The following CAMK1D variants were observed in gnomAD, a reference collection of about 807,000 sequenced individuals.
The protein encoded by CAMK1D is calcium/calmodulin dependent protein kinase ID, also known as calcium/calmodulin-dependent protein kinase type 1D.
Under a neutral mutation model 47.7 loss-of-function variants are expected in CAMK1D, and 9 were observed. That is an observed-to-expected ratio of 0.19 (90% CI 0.11 to 0.33). The LOEUF is 0.33. Ranked by LOEUF, CAMK1D falls within the 10% of genes least tolerant of loss-of-function variation. The pLI is 1.00. For missense variants in CAMK1D, 291 were observed against 488.7 expected, an observed-to-expected ratio of 0.60 and a Z score of 3.81; for synonymous variants, 184 against 184.9, an observed-to-expected ratio of 0.99 and a Z score of 0.04.
intron 1 of CAMK1D, among the ~76,000 whole-genome samples, chr10:12,436,920 C>A (rs185560549): frequency 1.3e-5 from 2 of 152,244 alleles, no homozygotes. Context: ...TTTATCACAG[C>A]GAAAGGACTT....
intron 1 of CAMK1D, among the ~76,000 whole-genome samples, chr10:12,387,373 A>T (rs375959963): frequency 3.5e-4 from 12 of 34,414 alleles, no homozygotes; most frequent in Non-Finnish European, 6.0e-4. Flanking sequence ...TAATATATAT[A>T]TTATATATTA....
At position 12,672,808 on chromosome 10, in the gene CAMK1D, GTTTT is replaced by G. The variant is rs577825172; in HGVS notation, c.299+6002_299+6005del. On this transcript the variant is annotated intron_variant, in intron 3 of 10. Transcript: ENST00000619168. ...ATTTGTTGTAAGTTCTCCAACTTTA[GTTTT>G]TTTATTTATTTGTTTTTTCCTTAAA... Among the ~76,000 whole-genome samples, 31 of 142,544 alleles carry G rather than the reference GTTTT, an allele frequency of 2.2e-4. No individual in the cohort carries two copies. The East Asian group carries it at 6.0e-3, about 28-fold the overall frequency. 93.5% of individuals were successfully genotyped at this position (142,544 alleles called of 152,430 possible).
rs536512873 is a variant in CAMK1D, at chr10:12,744,582, C to T, written c.300-16366C>T. ...CATATTTTAAAAAACACACTGGCAA[C>T]AAAGAAAGGCGAACCTTAAAAACAA... On this transcript the variant is annotated intron_variant, in intron 3 of 10. Transcript: ENST00000619168. Among the ~76,000 whole-genome samples the T allele has an allele frequency of 4.6e-5, 7 of 152,064 alleles. No individual in the cohort carries two copies. In the East Asian group the frequency reaches 9.7e-4, roughly 21 times the overall value.
At chr10:12,653,576 A>G (rs972365719) in intron 2 of CAMK1D, among the ~76,000 whole-genome samples, 1 of 152,230 alleles carries the variant, frequency 6.6e-6, no homozygotes, top group African/African-American at 2.4e-5. Flanking sequence ...CAAAAATTAA[A>G]GAACACTCAA....
rs554112017 is a variant in CAMK1D at position 12,705,142 on chromosome 10, A to G, written c.299+38332A>G. Among the ~76,000 whole-genome samples, 8 of 152,294 alleles carry G rather than the reference A, an allele frequency of 5.3e-5. No homozygotes were observed. The South Asian group carries it at 1.5e-3, about 28-fold the overall frequency. On this transcript the variant is annotated intron_variant, in intron 3 of 10. Coordinates refer to ENST00000619168, the MANE Select transcript of CAMK1D (RefSeq NM_153498.4). ...CAATTTGGTGAGTTATGACTGGCTT[A>G]AAACAAAAAGAAAATAGAACAGAAT... is the stretch of plus-strand genomic sequence containing the variant.
In CAMK1D at chr10:12,522,417, T is replaced by C. The variant is rs1319988462; in HGVS notation, c.93-30808T>C. On this transcript the variant is annotated intron_variant, in intron 1 of 10. Transcript: ENST00000619168. The stretch of plus-strand genomic sequence containing the variant: ...GATGACTCTTAACGAGCATGCTGCC[T>C]TCAAGCATCTTTTTAACAAAGCACA... Among the ~76,000 whole-genome samples, 3 of 116,118 alleles carry C rather than the reference T, an allele frequency of 2.6e-5. 1 individual carries two copies. The East Asian group carries it at 6.9e-4, about 27-fold the overall frequency. 76.2% of individuals were successfully genotyped at this position (116,118 alleles called of 152,430 possible).
chr10:12,488,114 C>T (rs1343745805), intron 1 of CAMK1D, among the ~76,000 whole-genome samples: 1 of 152,186 alleles, frequency 6.6e-6, no homozygotes, highest in Admixed American at 6.5e-5. Context: ...AGACTGCTAA[C>T]AACTTGCTAT....
intron 2 of CAMK1D, among the ~76,000 whole-genome samples, chr10:12,568,588 C>T (rs1018554598): frequency 6.9e-6 from 1 of 144,134 alleles, no homozygotes; most frequent in African/African-American, 2.6e-5. Context: ...CCAGAGTCAG[C>T]CTTTTTCTTT....
At chr10:12,611,226 G>A (rs1289425227) in intron 2 of CAMK1D, among the ~76,000 whole-genome samples, 1 of 152,032 alleles carries the variant, frequency 6.6e-6, no homozygotes, top group Non-Finnish European at 1.5e-5. Context: ...CCTGGACCTG[G>A]GGACCCCATC....
intron 1 of CAMK1D, among the ~76,000 whole-genome samples, chr10:12,354,365 C>A (rs1184984277): frequency 1.3e-5 from 2 of 151,572 alleles, no homozygotes; most frequent in Non-Finnish European, 2.9e-5. Context: ...TCAGTTTCTT[C>A]ATCTATAAAA....
chr10:12,519,282 G>A (rs1359917946), intron 1 of CAMK1D, among the ~76,000 whole-genome samples: 1 of 53,082 alleles, frequency 1.9e-5, no homozygotes. Flanking sequence ...GCGACTGGCC[G>A]GGCAGAGGGG....
Position 12,568,077 on chromosome 10 carries a change from C to CCCTCCCACCTTGCCTGCCT in CAMK1D, c.224+14721_224+14722insCCTCCCACCTTGCCTGCCT, listed in dbSNP as rs1564417290. On this transcript the variant is annotated intron_variant, in intron 2 of 10. Transcript: ENST00000619168. ...GGACCCACTCTCAGTTAGGCCTGCC[C>CCCTCCCACCTTGCCTGCCT]GCCCTCCCACCTTGCCTGCCTGTCT... 5.1e-5 allele frequency among the ~76,000 whole-genome samples: 7 copies of CCCTCCCACCTTGCCTGCCT among 136,500 alleles called. No homozygotes were observed. The East Asian group carries it at 1.5e-3, about 30-fold the overall frequency. The allele number at this position is 136,500 out of a possible 152,430, so 89.5% of individuals were successfully genotyped here.
chr10:12,564,153 C>CTG (rs764283646), intron 2 of CAMK1D, among the ~76,000 whole-genome samples: 36,383 of 83,730 alleles, frequency 0.43, 5,368 homozygotes, highest in Non-Finnish European at 0.53. Flanking sequence ...CTCTGTCTCT[C>CTG]TCTCTCTCTC....
At chr10:12,485,170 A>G (rs1379926473) in intron 1 of CAMK1D, among the ~76,000 whole-genome samples, 1 of 152,142 alleles carries the variant, frequency 6.6e-6, no homozygotes, top group African/African-American at 2.4e-5. Context: ...TGTAACCGAG[A>G]GGCGAAGTGT....
chr10:12,527,350 CTTTTTTT>C (rs750670427), intron 1 of CAMK1D, among the ~76,000 whole-genome samples: 121 of 84,034 alleles, frequency 1.4e-3, no homozygotes, highest in African/African-American at 5.9e-3. Flanking sequence ...ACTTGACTTG[CTTTTTTT>C]TTTTTTTTTT....
intron 2 of CAMK1D, among the ~76,000 whole-genome samples, chr10:12,633,736 T>A (rs1021597543): frequency 1.3e-5 from 2 of 152,028 alleles, no homozygotes; most frequent in Non-Finnish European, 2.9e-5. Flanking sequence ...TTTATCTTTT[T>A]GGTGGAGATG....
chr10:12,467,373 G>A (rs1180622484), intron 1 of CAMK1D, among the ~76,000 whole-genome samples: 4 of 152,026 alleles, frequency 2.6e-5, no homozygotes, highest in Admixed American at 6.6e-5. Flanking sequence ...GGCTGGTCTT[G>A]AACCGCTGGC....
At chr10:12,564,147 GTCTCTCTCTCTCTCTC>G (rs56063700) in intron 2 of CAMK1D, among the ~76,000 whole-genome samples, 70 of 139,724 alleles carry the variant, frequency 5.0e-4, no homozygotes, top group Non-Finnish European at 7.7e-4. Context: ...CTCTCTCTCT[GTCTCTCTCTCTCTCTC>G]TCTCTCTCTC....
intron 6 of CAMK1D, among the ~76,000 whole-genome samples, chr10:12,800,898 T>G (rs1468240069): frequency 6.6e-6 from 1 of 152,178 alleles, no homozygotes; most frequent in Admixed American, 6.5e-5. Flanking sequence ...CTGCAGCAGC[T>G]TAGAAGGTTA....
Sources: allele counts gnomAD v4.1 joint callset (sites outside exome capture counted in the v4.1 genomes callset), GRCh38; gene constraint gnomAD v4.1.1; transcripts MANE v1.5; gene names NCBI Gene and HGNC (gene_info 2026-07-23, HGNC 2026-07-21).